SLC38A6: variants seen among roughly 807,000 people sequenced by gnomAD.
SLC38A6 encodes the protein N system amino acid transporter NAT-1.
A neutral mutation model predicts 65.0 loss-of-function variants in SLC38A6; 73 were observed. That is an observed-to-expected ratio of 1.12 (90% CI 0.93 to 1.37). The LOEUF is 1.37. SLC38A6 is among the 40% of genes most tolerant of loss of function. The pLI is 0.00. For missense variants in SLC38A6, 561 were observed against 531.1 expected, an observed-to-expected ratio of 1.06 and a Z score of -0.55; for synonymous variants, 183 against 178.8, an observed-to-expected ratio of 1.02 and a Z score of -0.19.
intron 3 of SLC38A6, among the ~76,000 whole-genome samples, chr14:61,004,080 T>C (rs1440281258): frequency 6.6e-6 from 1 of 152,210 alleles, no homozygotes. Flanking sequence ...ATTAAACTGT[T>C]AGTTTGATTA....
At chr14:61,007,681 C>T (rs887331319) in intron 3 of SLC38A6, among the ~76,000 whole-genome samples, 10 of 151,714 alleles carry the variant, frequency 6.6e-5, no homozygotes, top group Admixed American at 6.6e-5. Context: ...TAATATGAAA[C>T]GGATGCTGAA....
rs777649328 is a variant in SLC38A6, at chr14:61,050,574, A to G, written c.988A>G (p.Met330Val). The G allele has an allele frequency of 8.1e-6, 13 of 1,598,368 alleles. No individual in the cohort carries two copies. In the Admixed American group the frequency reaches 2.2e-4, roughly 27 times the overall value. Reference protein sequence around the residue: ...SKYLSHDVVVMTVKLCILFAV... With the variant: ...SKYLSHDVVVVTVKLCILFAV... ...ATACTTATCACATGATGTTGTTGTCATGACTGTGAAGTTATGCATACTATT... is the reference window on the plus strand; with the variant it reads ...ATACTTATCACATGATGTTGTTGTCGTGACTGTGAAGTTATGCATACTATT... The change falls in exon 13 of 16, where the codon ATG (methionine) becomes GTG (valine). Residue 330 changes from methionine to valine, a missense_variant. By Grantham distance (21) the Met-to-Val change is conservative (BLOSUM62 1). Coordinates refer to ENST00000267488, the MANE Select transcript of SLC38A6 (RefSeq NM_153811.3).
At chr14:61,028,658 A>G (rs1282370443) in intron 5 of SLC38A6, among the ~76,000 whole-genome samples, 1 of 152,136 alleles carries the variant, frequency 6.6e-6, no homozygotes, top group Non-Finnish European at 1.5e-5. Flanking sequence ...GTCTCAGTGG[A>G]TTTTAGTCAA....
chr14:60,993,172 C>T (rs2038038993), intron 3 of SLC38A6, among the ~76,000 whole-genome samples: 1 of 152,106 alleles, frequency 6.6e-6, no homozygotes, highest in Non-Finnish European at 1.5e-5. Context: ...AGCATACTGT[C>T]TTCATGGTGC....
intron 3 of SLC38A6, among the ~76,000 whole-genome samples, chr14:61,007,584 G>C (rs140765414): frequency 1.9e-4 from 29 of 152,308 alleles, no homozygotes; most frequent in African/African-American, 6.3e-4. Flanking sequence ...CAAGGCTGCA[G>C]TGAGCTGTGA....
At chr14:61,067,974 G>A (rs966080208) in intron 15 of SLC38A6, among the ~76,000 whole-genome samples, 3 of 152,178 alleles carry the variant, frequency 2.0e-5, no homozygotes, top group South Asian at 2.1e-4. Flanking sequence ...GCAGCCCACC[G>A]CTATCAGTAT....
rs2042573085 is a variant in SLC38A6, at chr14:61,052,624, T to C, written c.*195T>C. 1.7e-6 allele frequency: 1 copy of C among 603,242 alleles called. No homozygotes were observed. The highest frequency in any genetic ancestry group is 2.4e-6 in the Non-Finnish European group (1 of 416,118). The allele number at this position is 603,242 out of a possible 1,614,324, so 37.4% of individuals were successfully genotyped here. On this transcript the variant is annotated 3_prime_UTR_variant, in exon 16 of 16. Coordinates refer to ENST00000267488, the MANE Select transcript of SLC38A6 (RefSeq NM_153811.3). ...AAAAAAAGAAACAAACTCGAAATGC[T>C]CTTAAATATATTGGGTTGATCTTTT...
Position 61,050,629 on chromosome 14 carries a change from A to G in SLC38A6, c.1043A>G (p.His348Arg). The G allele has an allele frequency of 6.4e-7, 1 of 1,558,454 alleles. No individual in the cohort carries two copies. Among genetic ancestry groups the G allele is most frequent in the Non-Finnish European group, 8.7e-7 (1 of 1,145,610 alleles). Residue 348 changes from histidine to arginine, a missense_variant, in exon 13 of 16, where the codon CAC (histidine) becomes CGC (arginine). His to Arg is a conservative substitution (Grantham distance 29). Transcript: ENST00000267488. ...GTGCTTTTGACAGTCCCTCTAATCC[A>G]CTTCCCTGTAAGTACTCTTAAAGGG... ...FAVLLTVPLI[H>R]FPARKAVTMM...
At chr14:61,051,101 A>G (rs960201463) in intron 13 of SLC38A6, among the ~76,000 whole-genome samples, 4 of 152,204 alleles carry the variant, frequency 2.6e-5, no homozygotes, top group Non-Finnish European at 5.9e-5. Context: ...AAGGGGCAAA[A>G]CAGATTTTCA....
At chr14:61,040,602 G>A (rs1248884424) in intron 8 of SLC38A6, among the ~76,000 whole-genome samples, 1 of 152,004 alleles carries the variant, frequency 6.6e-6, no homozygotes, top group Admixed American at 6.6e-5. Context: ...GCCTCCCAAA[G>A]TGCTGGGATT....
At chr14:61,043,693 C>G (rs765657202) in intron 10 of SLC38A6, among the ~76,000 whole-genome samples, 190 bp downstream of exon 10, 5 of 107,348 alleles carry the variant, frequency 4.7e-5, no homozygotes, top group African/African-American at 7.6e-5. Flanking sequence ...AAACAGCCAC[C>G]TTTTTTTTTT....
At position 61,011,257 on chromosome 14, in the gene SLC38A6, C is replaced by A. The variant is rs190121590; in HGVS notation, c.311-4647C>A. Among the ~76,000 whole-genome samples, 275 of 152,140 alleles carry A rather than the reference C, an allele frequency of 1.8e-3. 1 individual carries two copies. Among genetic ancestry groups the A allele is most frequent in the African/African-American group, 6.3e-3 (260 of 41,514 alleles). On this transcript the variant is annotated intron_variant, in intron 3 of 15. Transcript: ENST00000267488. ...TATCCTGAGACTTTGCTGAAGTTGC[C>A]TATCAGCTTAAGGAGATTTTGGGCC...
At chr14:61,028,038 T>A (rs2040707786) in intron 5 of SLC38A6, among the ~76,000 whole-genome samples, 1 of 151,968 alleles carries the variant, frequency 6.6e-6, no homozygotes, top group Non-Finnish European at 1.5e-5. Flanking sequence ...TGGAATCTAA[T>A]GAAATAGTAC....
At chr14:61,039,769 A>G (rs2041670719) in intron 8 of SLC38A6, among the ~76,000 whole-genome samples, 1 of 152,108 alleles carries the variant, frequency 6.6e-6, no homozygotes, top group Non-Finnish European at 1.5e-5. Flanking sequence ...TTGGAAGGAT[A>G]CCAGTTTTTC....
intron 15 of SLC38A6, 55 bp downstream of exon 15, chr14:61,052,190 C>G (rs946539455): frequency 7.0e-7 from 1 of 1,421,174 alleles, no homozygotes; most frequent in Non-Finnish European, 9.5e-7. Context: ...AATAGTTTGT[C>G]AGTTTATATT....
At chr14:61,044,089 A>C (rs1047572452) in intron 10 of SLC38A6, among the ~76,000 whole-genome samples, 3 of 152,198 alleles carry the variant, frequency 2.0e-5, no homozygotes, top group Non-Finnish European at 2.9e-5. Flanking sequence ...CAGAGGAGAC[A>C]AGAACTGTGA....
intron 3 of SLC38A6, 46 bp from the exon 4 acceptor site, chr14:61,015,858 A>T (rs377273634): frequency 1.3e-6 from 2 of 1,505,144 alleles, no homozygotes; most frequent in East Asian, 2.3e-5. Flanking sequence ...GACCTGACAC[A>T]TAAATAGTTT....
At chr14:61,082,513 G>A (rs1299127495) in intron 16 of SLC38A6, among the ~76,000 whole-genome samples, 4 of 152,210 alleles carry the variant, frequency 2.6e-5, no homozygotes, top group African/African-American at 9.6e-5. Flanking sequence ...CCTTTGCTGG[G>A]CTCTCATGCC....
chr14:61,019,883 T>C (rs1402642327), intron 5 of SLC38A6, among the ~76,000 whole-genome samples: 2 of 152,130 alleles, frequency 1.3e-5, no homozygotes, highest in African/African-American at 2.4e-5. Context: ...AAAGCTCTCC[T>C]GGTGATTTTA....
Sources: gnomAD v4.1 joint callset for allele counts (sites outside exome capture counted in the v4.1 genomes callset) on GRCh38, gnomAD v4.1.1 for gene constraint, MANE v1.5 for transcripts, NCBI Gene and HGNC (gene_info 2026-07-23, HGNC 2026-07-21) for gene names.